Variants in POLR2E observed in about 807,000 individuals in gnomAD.
POLR2E encodes the protein RNA polymerase II, I and III subunit E.
Under a neutral mutation model 29.8 loss-of-function variants are expected in POLR2E, and 35 were observed. That is an observed-to-expected ratio of 1.17 (90% confidence interval 0.90 to 1.55). POLR2E has a LOEUF of 1.55. Ranked by LOEUF, POLR2E falls within the 40% of genes most tolerant of loss-of-function variation. The pLI is 0.00. For missense variants in POLR2E, 287 were observed against 288.6 expected (o/e 0.99, Z 0.04); for synonymous variants, 174 against 112.6 (o/e 1.55, Z -3.45).
In POLR2E at chr19:1,089,539, T is replaced by G; in HGVS notation, c.580A>C (p.Ile194Leu). The change falls in exon 7 of 8, where the codon ATC (isoleucine) becomes CTC (leucine). Residue 194 changes from isoleucine to leucine, a missense_variant. Coordinates refer to ENST00000615234, the MANE Select transcript of POLR2E (RefSeq NM_002695.5). ...GIKRGQVVKI[I>L]RPSETAGRYI... ...CTGCCAGCCGTCTCACTGGGCCGGA[T>G]GATCTTCACCACCTGCAGAGACAGA... 1 of 1,613,762 alleles carries G rather than the reference T, an allele frequency of 6.2e-7. No individual in the cohort carries two copies. Among genetic ancestry groups the G allele is most frequent in the Non-Finnish European group, 8.5e-7 (1 of 1,179,778 alleles).
At chr19:1,090,014 G>T in intron 5 of POLR2E, 52 bp from the exon 6 acceptor site, 1 of 1,499,270 alleles carries the variant, frequency 6.7e-7, no homozygotes, top group Non-Finnish European at 9.1e-7. Context: ...GGGGGCAGGG[G>T]TGTGTGTGGG....
chr19:1,094,173 A>G, intron 1 of POLR2E, 95 bp from the exon 2 acceptor site: 2 of 1,117,228 alleles, frequency 1.8e-6, no homozygotes, highest in Non-Finnish European at 2.6e-6. Flanking sequence ...GCTGCAGAGG[A>G]CAGAGGTGAA....
intron 4 of POLR2E, among the ~76,000 whole-genome samples, chr19:1,090,452 G>A (rs1337659418): frequency 6.8e-6 from 1 of 146,494 alleles, no homozygotes; most frequent in Non-Finnish European, 1.5e-5. Flanking sequence ...GGTGGGCCCG[G>A]GATCTGCATT....
rs780585471 is a variant in POLR2E, at chr19:1,094,066, G to A, written c.70C>T (p.Arg24Cys). Residue 24 changes from arginine (R) to cysteine (C), a missense_variant, in exon 2 of 8, where the codon CGT becomes TGT. Coordinates refer to ENST00000615234, the MANE Select transcript of POLR2E (RefSeq NM_002695.5). ...TCGTCCTGGGTCACCAGATAGCCAC[G>A]GTCGTGGCACAGCTGCAGAGAGAAA... is the stretch of plus-strand genomic sequence containing the variant. The part of the protein sequence containing the change: ...RKTIMQLCHD[R>C]GYLVTQDELD... 7.4e-6 allele frequency: 12 copies of A among 1,611,540 alleles called. No homozygotes were observed. The highest frequency in any genetic ancestry group is 8.5e-6 in the Non-Finnish European group (10 of 1,178,996).
intron 2 of POLR2E, 155 bp downstream of exon 2, chr19:1,093,749 C>T (rs923039200): frequency 5.7e-6 from 8 of 1,411,380 alleles, no homozygotes; most frequent in Non-Finnish European, 7.4e-6. Flanking sequence ...TCAACGGCAT[C>T]ACCCACAGCA....
rs547826060 is a variant in POLR2E, at chr19:1,093,209, C to A, written c.232+695G>T. Among the ~76,000 whole-genome samples, 434 of 151,886 alleles carry A rather than the reference C, an allele frequency of 2.9e-3. 1 individual carries two copies. The highest frequency in any genetic ancestry group is 9.7e-3 in the African/African-American group (400 of 41,440). On this transcript the variant is annotated intron_variant, in intron 2 of 7. Transcript: ENST00000615234. Reference sequence around the variant, plus strand: ...TCAAAAAACAAAAACAAAAAAAAAACAAAAAAACCCAGCAGCGTCACCAGG... The same window carrying A: ...TCAAAAAACAAAAACAAAAAAAAAAAAAAAAAACCCAGCAGCGTCACCAGG...
chr19:1,090,603 A>G lies in POLR2E; in HGVS notation c.429+305T>C, dbSNP rs538948101. Among the ~76,000 whole-genome samples, 9 of 150,426 alleles carry G rather than the reference A, an allele frequency of 6.0e-5. No individual in the cohort carries two copies. The East Asian group carries it at 1.6e-3, about 26-fold the overall frequency. The stretch of plus-strand genomic sequence containing the variant: ...TGGCTAATTTTTTTGTATTTTTAGT[A>G]GAGACGGGGTTTCACCGTGTTAGCC... On this transcript the variant is annotated intron_variant, in intron 4 of 7. Transcript: ENST00000615234.
At chr19:1,094,337 C>T in intron 1 of POLR2E, 2 of 462,580 alleles carry the variant, frequency 4.3e-6, no homozygotes, top group Non-Finnish European at 7.6e-6. Context: ...CTCACAGAAA[C>T]CTGGCAGGGA....
chr19:1,094,209 T>G (rs1253769077), intron 1 of POLR2E, 131 bp from the exon 2 acceptor site: 7 of 781,804 alleles, frequency 9.0e-6, no homozygotes, highest in Non-Finnish European at 1.2e-5. Context: ...ACACTCACTG[T>G]GTGCTCCATG....
At chr19:1,090,570 A>C (rs1307550265) in intron 4 of POLR2E, among the ~76,000 whole-genome samples, 2 of 143,810 alleles carry the variant, frequency 1.4e-5, no homozygotes, top group Admixed American at 1.5e-4. Context: ...GGCGCTCGCC[A>C]CCACGCCTGG....
intron 2 of POLR2E, among the ~76,000 whole-genome samples, chr19:1,093,220 A>T (rs1215287829): frequency 6.6e-6 from 1 of 151,992 alleles, no homozygotes; most frequent in East Asian, 1.9e-4. Flanking sequence ...AAAAAAACCC[A>T]GCAGCGTCAC....
At chr19:1,090,860 G>GC (rs764886567) in intron 4 of POLR2E, 48 bp downstream of exon 4, 13 of 1,524,314 alleles carry the variant, frequency 8.5e-6, no homozygotes, top group Non-Finnish European at 1.2e-5. Context: ...CACAAACGCT[G>GC]CATCTCTGCC....
chr19:1,091,445 T>G (rs2043827426), intron 3 of POLR2E: 2 of 381,432 alleles, frequency 5.2e-6, no homozygotes, highest in Admixed American at 4.0e-5. Context: ...GTGCCGGGCC[T>G]CCTCTGCAAG....
chr19:1,091,764 G>A (rs1210860650), intron 3 of POLR2E, 28 bp downstream of exon 3: 17 of 1,434,986 alleles, frequency 1.2e-5, no homozygotes, highest in Non-Finnish European at 1.7e-5. Context: ...AGGGGGAGAG[G>A]CTGGCGGGGT....
chr19:1,089,241 C>A (rs945403204), intron 7 of POLR2E, among the ~76,000 whole-genome samples: 2 of 152,212 alleles, frequency 1.3e-5, no homozygotes, highest in South Asian at 2.1e-4. Flanking sequence ...GAGACGCACG[C>A]CCCGCGTACC....
intron 3 of POLR2E, 92 bp downstream of exon 3, chr19:1,091,700 A>C (rs2043834547): frequency 1.1e-6 from 1 of 873,008 alleles, no homozygotes; most frequent in Non-Finnish European, 1.9e-6. Context: ...GCCTGGCCCA[A>C]AGCCCAAGGC....
intron 6 of POLR2E, 58 bp downstream of exon 6, chr19:1,089,826 C>G: frequency 7.2e-7 from 1 of 1,389,508 alleles, no homozygotes; most frequent in Non-Finnish European, 1.0e-6. Flanking sequence ...CAGAAGCCCC[C>G]TTCTCCGAGT....
chr19:1,091,889 A>T lies in POLR2E; in HGVS notation c.251T>A (p.Ile84Asn). Residue 84 changes from isoleucine (I) to asparagine (N), a missense_variant, in exon 3 of 8, where the codon ATC becomes AAC. By Grantham distance (149) the Ile-to-Asn change is moderately radical. Transcript: ENST00000615234. ...VFFPEEPKVG[I>N]KTIKVYCQRM... Reference sequence around the variant, plus strand: ...CTGGCAGTACACCTTGATGGTCTTGATGCCCACCTTGGGCTCCTCTGCAGA... The same window carrying T: ...CTGGCAGTACACCTTGATGGTCTTGTTGCCCACCTTGGGCTCCTCTGCAGA... 3 of 1,612,002 alleles carry T rather than the reference A, an allele frequency of 1.9e-6. No individual in the cohort carries two copies. The highest frequency in any genetic ancestry group is 2.5e-6 in the Non-Finnish European group (3 of 1,178,936).
At position 1,088,384 on chromosome 19, in the gene POLR2E, G is replaced by C. The variant is rs2043755926; in HGVS notation, c.*351C>G. 1 of 152,480 alleles carries C rather than the reference G, an allele frequency of 6.6e-6. No individual in the cohort carries two copies. Among genetic ancestry groups the C allele is most frequent in the Non-Finnish European group, 1.5e-5 (1 of 68,182 alleles). The allele number at this position is 152,480 out of a possible 1,614,324, so 9.4% of individuals were successfully genotyped here. A position where few individuals can be genotyped will look rare whatever the true frequency, so the allele number is the denominator to read the frequency against. ...CGAGGGGTGGAAGGCCGAGGGCCCAGGAGGAAGCAGTGGCTGGTGGGAGAC... is the reference window on the plus strand; with the variant it reads ...CGAGGGGTGGAAGGCCGAGGGCCCACGAGGAAGCAGTGGCTGGTGGGAGAC... On this transcript the variant is annotated 3_prime_UTR_variant, in exon 8 of 8. Coordinates refer to ENST00000615234, the MANE Select transcript of POLR2E (RefSeq NM_002695.5).
Sources: allele counts gnomAD v4.1 joint callset (sites outside exome capture counted in the v4.1 genomes callset), GRCh38; gene constraint gnomAD v4.1.1; transcripts MANE v1.5; gene names NCBI Gene and HGNC (gene_info 2026-07-23, HGNC 2026-07-21).